Variants in ACVR1C observed in about 807,000 individuals in gnomAD.
ACVR1C encodes the protein activin A receptor type 1C.
In ACVR1C, 23 loss-of-function variants were observed where a neutral mutation model predicts 57.9. The ratio of observed to expected loss-of-function variants is 0.40; its 90% confidence interval spans 0.29 to 0.56. ACVR1C has a LOEUF of 0.56. Among genes scored for constraint, ACVR1C ranks in the 20% least tolerant of loss-of-function variants. ACVR1C has a pLI of 0.50. For missense variants in ACVR1C, 480 were observed against 607.9 expected (o/e 0.79, Z 2.21); for synonymous variants, 214 against 215.3 (o/e 0.99, Z 0.05).
At chr2:157,603,953 C>T (rs1280406430) in intron 1 of ACVR1C, among the ~76,000 whole-genome samples, 1 of 152,092 alleles carries the variant, frequency 6.6e-6, no homozygotes, top group Non-Finnish European at 1.5e-5. Flanking sequence ...AAGCATCCAT[C>T]TGGTGACCCA....
intron 2 of ACVR1C, among the ~76,000 whole-genome samples, chr2:157,586,931 A>G (rs1038637493): frequency 6.6e-6 from 1 of 152,180 alleles, no homozygotes; most frequent in African/African-American, 2.4e-5. Context: ...TTCATTAATC[A>G]TTTCAAAAAT....
At chr2:157,614,905 G>A (rs1014611096) in intron 1 of ACVR1C, among the ~76,000 whole-genome samples, 2 of 152,138 alleles carry the variant, frequency 1.3e-5, no homozygotes, top group Non-Finnish European at 2.9e-5. Flanking sequence ...TTATATTAAA[G>A]TGGATTTCTT....
intron 1 of ACVR1C, among the ~76,000 whole-genome samples, chr2:157,610,062 T>C (rs1423027072): frequency 2.0e-5 from 3 of 152,106 alleles, no homozygotes; most frequent in Non-Finnish European, 4.4e-5. Flanking sequence ...TATTTGTCCT[T>C]GTGGTTTAGT....
At chr2:157,550,843 T>C (rs1209701935) in intron 3 of ACVR1C, among the ~76,000 whole-genome samples, 3 of 151,704 alleles carry the variant, frequency 2.0e-5, no homozygotes, top group Non-Finnish European at 4.4e-5. Flanking sequence ...CAAGCTCAAA[T>C]TGGAAAGTGA....
chr2:157,585,415 A>G (rs897471464), intron 2 of ACVR1C, among the ~76,000 whole-genome samples: 1 of 152,206 alleles, frequency 6.6e-6, no homozygotes, highest in Non-Finnish European at 1.5e-5. Flanking sequence ...TAAGGGTAGA[A>G]CATATAGACC....
Position 157,595,906 on chromosome 2 carries a change from T to G in ACVR1C, c.74-8489A>C, listed in dbSNP as rs1682095137. Reference sequence around the variant, plus strand: ...TCAGAGAAATCTTCAGTGACTCCCCTTGCTCAAGGATCTGCTCCCCATCCT... The same window carrying G: ...TCAGAGAAATCTTCAGTGACTCCCCGTGCTCAAGGATCTGCTCCCCATCCT... On this transcript the variant is annotated intron_variant, in intron 1 of 8. Transcript: ENST00000243349. Among the ~76,000 whole-genome samples the G allele has an allele frequency of 2.0e-5, 3 of 152,194 alleles. No individual in the cohort carries two copies. In the South Asian group the frequency reaches 6.2e-4, roughly 32 times the overall value.
chr2:157,613,066 T>A (rs918311449), intron 1 of ACVR1C, among the ~76,000 whole-genome samples: 4 of 152,200 alleles, frequency 2.6e-5, no homozygotes, highest in Admixed American at 2.6e-4. Flanking sequence ...ATGGCAACAG[T>A]CTAGTGGGGA....
chr2:157,580,492 C>A (rs796387373), intron 2 of ACVR1C, among the ~76,000 whole-genome samples: 6 of 152,320 alleles, frequency 3.9e-5, no homozygotes, highest in African/African-American at 1.2e-4. Context: ...ATGCCAGCAT[C>A]ATTTCAAAAA....
chr2:157,588,187 T>C (rs1688972365), intron 1 of ACVR1C, among the ~76,000 whole-genome samples: 1 of 151,684 alleles, frequency 6.6e-6, no homozygotes, highest in African/African-American at 2.4e-5. Context: ...TTACACTTTG[T>C]TAAACTAATC....
intron 8 of ACVR1C, among the ~76,000 whole-genome samples, chr2:157,534,965 G>C (rs748898339): frequency 6.6e-6 from 1 of 151,990 alleles, no homozygotes. Flanking sequence ...AGACCAACCT[G>C]AGTAACACAG....
rs945063618 is a variant in ACVR1C at position 157,529,357 on chromosome 2, T to C, written c.*4561A>G. 2 of 152,140 alleles carry C rather than the reference T, an allele frequency of 1.3e-5. No homozygotes were observed. Among genetic ancestry groups the C allele is most frequent in the Non-Finnish European group, 2.9e-5 (2 of 67,992 alleles). The allele number at this position is 152,140 out of a possible 1,614,324, so 9.4% of individuals were successfully genotyped here. A position where few individuals can be genotyped will look rare whatever the true frequency, so the allele number is the denominator to read the frequency against. On this transcript the variant is annotated 3_prime_UTR_variant, in exon 9 of 9. Transcript: ENST00000243349. ...TCTTAGCCTAGTTTAGTTTTTCTCA[T>C]TGACCTCACTCTGAGTGAGTAAATT...
intron 7 of ACVR1C, 82 bp from the exon 8 acceptor site, chr2:157,538,785 C>G (rs1687548227): frequency 8.1e-7 from 1 of 1,236,352 alleles, no homozygotes; most frequent in East Asian, 2.8e-5. Context: ...ATTAAGTTTT[C>G]TAGGCACAAG....
intron 2 of ACVR1C, among the ~76,000 whole-genome samples, chr2:157,572,844 C>T (rs1242929223): frequency 1.3e-5 from 2 of 152,100 alleles, no homozygotes; most frequent in African/African-American, 2.4e-5. Context: ...GTCTGGCACA[C>T]CTGTCAGGTG....
chr2:157,621,194 G>T (rs1349285379), intron 1 of ACVR1C, among the ~76,000 whole-genome samples: 2 of 152,102 alleles, frequency 1.3e-5, no homozygotes, highest in East Asian at 3.9e-4. Context: ...CAGTATCTTT[G>T]CATGCCTACT....
chr2:157,534,998 A>T (rs2105199482), intron 8 of ACVR1C, among the ~76,000 whole-genome samples: 1 of 152,190 alleles, frequency 6.6e-6, no homozygotes, highest in South Asian at 2.1e-4. Context: ...TCTACAAAAA[A>T]TTTTAAAAAC....
intron 1 of ACVR1C, 49 bp downstream of exon 1, chr2:157,628,523 C>T (rs913077697): frequency 1.3e-6 from 2 of 1,581,396 alleles, no homozygotes; most frequent in East Asian, 2.3e-5. Flanking sequence ...CGCAGACCTC[C>T]TCCCAGCTCC....
chr2:157,541,245 C>T, intron 6 of ACVR1C, 31 bp from the exon 7 acceptor site: 1 of 1,602,294 alleles, frequency 6.2e-7, no homozygotes, highest in East Asian at 2.2e-5. Flanking sequence ...CAGATTCTGT[C>T]TATGACTTTA....
chr2:157,603,708 T>C (rs1015785475), intron 1 of ACVR1C, among the ~76,000 whole-genome samples: 1 of 152,130 alleles, frequency 6.6e-6, no homozygotes, highest in African/African-American at 2.4e-5. Context: ...TGTTAACAAA[T>C]TAAACATAAC....
At chr2:157,559,359 A>G (rs1043676287) in intron 2 of ACVR1C, among the ~76,000 whole-genome samples, 39 of 152,320 alleles carry the variant, frequency 2.6e-4, no homozygotes, top group Non-Finnish European at 1.5e-5. Flanking sequence ...AAAAGCAAAC[A>G]TTTGTAAAAC....
Sources: gnomAD v4.1 joint callset for allele counts (sites outside exome capture counted in the v4.1 genomes callset) on GRCh38, gnomAD v4.1.1 for gene constraint, MANE v1.5 for transcripts, NCBI Gene and HGNC (gene_info 2026-07-23, HGNC 2026-07-21) for gene names.